CNTN5: variants seen among roughly 807,000 people sequenced by gnomAD.
The protein encoded by CNTN5 is contactin-5.
A neutral mutation model predicts 129.1 loss-of-function variants in CNTN5; 77 were observed. The observed-to-expected ratio is 0.60, with a 90% confidence interval of 0.50 to 0.72. CNTN5 has a LOEUF of 0.72. CNTN5 is among the 30% of genes least tolerant of loss of function. The pLI, the probability that CNTN5 is intolerant of heterozygous loss-of-function variation, is 0.00. For synonymous variants in CNTN5, 509 were observed against 465.6 expected (o/e 1.09, Z -1.20); for missense variants, 1,478 against 1,328.8 (o/e 1.11, Z -1.75).
In CNTN5 at chr11:99,561,324, T is replaced by A. The variant is rs918907587; in HGVS notation, c.55+5055T>A. Reference sequence around the variant, plus strand: ...GTAAGTAAGTAAGTAAATAAATAAATAAATATTGGGTTATAGTCCAAATAA... The same window carrying A: ...GTAAGTAAGTAAGTAAATAAATAAAAAAATATTGGGTTATAGTCCAAATAA... On this transcript the variant is annotated intron_variant, in intron 3 of 24. Transcript: ENST00000524871. Among the ~76,000 whole-genome samples the A allele has an allele frequency of 2.0e-5, 3 of 152,136 alleles. 1 individual carries two copies. The highest frequency in any genetic ancestry group is 6.8e-3 in the Middle Eastern group (2 of 294).
intron 1 of CNTN5, among the ~76,000 whole-genome samples, chr11:99,238,088 G>A (rs1013020781): frequency 6.6e-6 from 1 of 152,084 alleles, no homozygotes; most frequent in Non-Finnish European, 1.5e-5. Flanking sequence ...TTTGTATACA[G>A]AAATCATATA....
At chr11:100,048,056 C>A (rs1942779301) in intron 9 of CNTN5, among the ~76,000 whole-genome samples, 1 of 152,004 alleles carries the variant, frequency 6.6e-6, no homozygotes, top group Admixed American at 6.6e-5. Flanking sequence ...GCATGAATCC[C>A]GAGGGCGGAG....
intron 9 of CNTN5, among the ~76,000 whole-genome samples, chr11:100,037,231 G>A (rs1942073500): frequency 6.9e-6 from 1 of 145,332 alleles, no homozygotes; most frequent in Admixed American, 6.9e-5. Flanking sequence ...ATAATCATGT[G>A]GTTTTTGTCT....
At chr11:99,367,837 T>G (rs1482796633) in intron 2 of CNTN5, among the ~76,000 whole-genome samples, 1 of 152,138 alleles carries the variant, frequency 6.6e-6, no homozygotes, top group African/African-American at 2.4e-5. Flanking sequence ...TCATAGGCTG[T>G]GACTCATTTG....
intron 17 of CNTN5, among the ~76,000 whole-genome samples, chr11:100,264,437 T>C (rs1407955360): frequency 6.6e-6 from 1 of 152,148 alleles, no homozygotes; most frequent in Non-Finnish European, 1.5e-5. Flanking sequence ...TGTGTCCATG[T>C]GTCCTCATTT....
At chr11:99,991,544 T>C (rs1418224542) in intron 8 of CNTN5, among the ~76,000 whole-genome samples, 1 of 152,104 alleles carries the variant, frequency 6.6e-6, no homozygotes. Context: ...CAACTTGAAA[T>C]AACCAAAATA....
At chr11:99,712,415 C>A (rs923346669) in intron 3 of CNTN5, among the ~76,000 whole-genome samples, 1 of 152,074 alleles carries the variant, frequency 6.6e-6, no homozygotes, top group Non-Finnish European at 1.5e-5. Flanking sequence ...AAATTTTCTC[C>A]CATTCTGTAG....
intron 13 of CNTN5, 25 bp from the exon 14 acceptor site, chr11:100,191,101 A>AAAG: frequency 6.4e-7 from 1 of 1,558,490 alleles, no homozygotes; most frequent in Non-Finnish European, 8.7e-7. Flanking sequence ...AACAGAAAAA[A>AAAG]AAACTGTTTT....
At chr11:100,113,540 C>T (rs1304255521) in intron 13 of CNTN5, among the ~76,000 whole-genome samples, 1 of 149,550 alleles carries the variant, frequency 6.7e-6, no homozygotes, top group African/African-American at 2.4e-5. Flanking sequence ...ACACCAAAAT[C>T]TTAGCATTCA....
At chr11:99,638,133 GA>G (rs1951634824) in intron 3 of CNTN5, among the ~76,000 whole-genome samples, 1 of 152,146 alleles carries the variant, frequency 6.6e-6, no homozygotes. Context: ...TGAGGCCTCA[GA>G]ATCTTGGCGG....
intron 1 of CNTN5, among the ~76,000 whole-genome samples, chr11:99,267,918 A>ACGCG (rs762973737): frequency 0.052 from 6,137 of 117,118 alleles, 179 homozygotes; most frequent in East Asian, 0.19. Flanking sequence ...ACACACACAC[A>ACGCG]CGCACACACA....
intron 10 of CNTN5, among the ~76,000 whole-genome samples, chr11:100,067,352 A>G (rs1220405713): frequency 6.6e-6 from 1 of 151,832 alleles, no homozygotes; most frequent in African/African-American, 2.4e-5. Flanking sequence ...GTGCTTGTGT[A>G]TGTATTTGTT....
chr11:99,616,176 T>C (rs2135746061), intron 3 of CNTN5, among the ~76,000 whole-genome samples: 1 of 152,352 alleles, frequency 6.6e-6, no homozygotes, highest in South Asian at 2.1e-4. Context: ...CAAGAATCAC[T>C]CTTGCTACCC....
At chr11:99,056,782 A>G (rs748861889) in intron 1 of CNTN5, among the ~76,000 whole-genome samples, 128 of 152,188 alleles carry the variant, frequency 8.4e-4, no homozygotes, top group Non-Finnish European at 5.0e-4. Flanking sequence ...AGTAATGCCC[A>G]GACACTGAAG....
At chr11:100,168,660 A>C (rs1255690721) in intron 13 of CNTN5, among the ~76,000 whole-genome samples, 1 of 151,982 alleles carries the variant, frequency 6.6e-6, no homozygotes, top group African/African-American at 2.4e-5. Context: ...AAAGAAATTA[A>C]TGTGTTTTTC....
chr11:99,773,790 G>A (rs1307407329), intron 3 of CNTN5, among the ~76,000 whole-genome samples: 1 of 151,952 alleles, frequency 6.6e-6, no homozygotes, highest in African/African-American at 2.4e-5. Context: ...GTCGACCATT[G>A]GCTGGAATTC....
At chr11:100,204,925 A>G (rs1948882844) in intron 15 of CNTN5, among the ~76,000 whole-genome samples, 1 of 152,008 alleles carries the variant, frequency 6.6e-6, no homozygotes, top group Non-Finnish European at 1.5e-5. Context: ...TGCGTAATAT[A>G]ATAAGGCCCT....
At chr11:100,031,944 C>T in intron 9 of CNTN5, among the ~76,000 whole-genome samples, 1 of 140,904 alleles carries the variant, frequency 7.1e-6, no homozygotes, top group South Asian at 2.1e-4. Flanking sequence ...AAGGTGGTGA[C>T]CCCCCTGGAC....
At chr11:99,241,789 G>A (rs553236178) in intron 1 of CNTN5, among the ~76,000 whole-genome samples, 2 of 152,214 alleles carry the variant, frequency 1.3e-5, no homozygotes, top group South Asian at 4.1e-4. Context: ...CTCCAAGAAA[G>A]TCTGTAGTAA....
Sources: allele counts gnomAD v4.1 joint callset (sites outside exome capture counted in the v4.1 genomes callset), GRCh38; gene constraint gnomAD v4.1.1; transcripts MANE v1.5; gene names NCBI Gene and HGNC (gene_info 2026-07-23, HGNC 2026-07-21).